Variants in FGD4 observed in about 807,000 individuals in gnomAD.
FGD4 encodes FYVE, RhoGEF and PH domain containing 4, also known as FYVE, RhoGEF and PH domain-containing protein 4.
A neutral mutation model predicts 102.0 loss-of-function variants in FGD4; 42 were observed. That is an observed-to-expected ratio of 0.41 (90% CI 0.32 to 0.53). The LOEUF (loss-of-function observed/expected upper bound fraction) is 0.53. FGD4 is among the 20% of genes least tolerant of loss of function. FGD4 has a pLI of 0.21. For synonymous variants in FGD4, 380 were observed against 375.7 expected (o/e 1.01, Z -0.13); for missense variants, 902 against 1,078.2 (o/e 0.84, Z 2.29).
intron 1 of FGD4, among the ~76,000 whole-genome samples, chr12:32,427,341 GTA>G (rs1941875708): frequency 6.6e-6 from 1 of 152,202 alleles, no homozygotes; most frequent in African/African-American, 2.4e-5. Flanking sequence ...TCATTCAGGA[GTA>G]GGTTGTTCGG....
chr12:32,409,025 G>T (rs1221941139), intron 1 of FGD4, among the ~76,000 whole-genome samples: 1 of 152,020 alleles, frequency 6.6e-6, no homozygotes, highest in African/African-American at 2.4e-5. Flanking sequence ...TGCTCCAAGG[G>T]CACCAAATCA....
chr12:32,625,289 T>TTTTA (rs368679104), intron 13 of FGD4, among the ~76,000 whole-genome samples: 2 of 143,888 alleles, frequency 1.4e-5, no homozygotes, highest in African/African-American at 2.7e-5. Context: ...TTTTTTTTTT[T>TTTTA]AACAGAGTCT....
intron 1 of FGD4, among the ~76,000 whole-genome samples, chr12:32,491,652 C>G (rs747489953): frequency 7.9e-5 from 12 of 152,178 alleles, no homozygotes; most frequent in Non-Finnish European, 1.5e-5. Flanking sequence ...AAGAATGCCT[C>G]AGGGTTTCCT....
chr12:32,610,639 C>A (rs892670086), intron 8 of FGD4, 137 bp from the exon 9 acceptor site: 2 of 727,262 alleles, frequency 2.8e-6, no homozygotes, highest in African/African-American at 1.8e-5. Context: ...AAAGTATATA[C>A]CGTTTATAAA....
At chr12:32,497,344 A>G (rs1937884322) in intron 1 of FGD4, among the ~76,000 whole-genome samples, 1 of 152,178 alleles carries the variant, frequency 6.6e-6, no homozygotes, top group South Asian at 2.1e-4. Flanking sequence ...TTTTTGCTCT[A>G]AATCACTTTC....
chr12:32,481,425 T>C (rs892741626), intron 1 of FGD4, among the ~76,000 whole-genome samples: 9 of 152,210 alleles, frequency 5.9e-5, no homozygotes, highest in Non-Finnish European at 1.2e-4. Context: ...CTCTCTGTCA[T>C]ATTTTTGCAA....
At position 32,507,189 on chromosome 12, in the gene FGD4, T is replaced by C. The variant is rs1170213158; in HGVS notation, c.167-56948T>C. On this transcript the variant is annotated intron_variant, in intron 1 of 16. Transcript: ENST00000534526. ...GTGAGAACATGCGGTGTTTGGTTTT[T>C]TGTCCTTGCGATAGTTTACTGAGAA... 4.0e-5 allele frequency among the ~76,000 whole-genome samples: 6 copies of C among 151,664 alleles called. No homozygotes were observed. In the East Asian group the frequency reaches 1.2e-3, roughly 30 times the overall value.
chr12:32,448,606 G>T (rs1259426371), intron 1 of FGD4, among the ~76,000 whole-genome samples: 6 of 151,006 alleles, frequency 4.0e-5, no homozygotes, highest in Non-Finnish European at 8.8e-5. Context: ...GCAGTGAGCT[G>T]AGATCGCGCC....
chr12:32,586,982 G>T (rs1316671055), intron 4 of FGD4, among the ~76,000 whole-genome samples: 2 of 152,064 alleles, frequency 1.3e-5, no homozygotes, highest in Non-Finnish European at 2.9e-5. Context: ...CCTGAGGTCA[G>T]GAGTTCGAGA....
At chr12:32,514,336 G>T (rs1006685690) in intron 1 of FGD4, among the ~76,000 whole-genome samples, 3 of 152,170 alleles carry the variant, frequency 2.0e-5, no homozygotes, top group African/African-American at 7.2e-5. Context: ...AAGTATTTCA[G>T]TGTTAATTGG....
chr12:32,530,467 A>T (rs1284693926), intron 1 of FGD4, among the ~76,000 whole-genome samples: 1 of 152,196 alleles, frequency 6.6e-6, no homozygotes, highest in Non-Finnish European at 1.5e-5. Context: ...TGGGTGACAG[A>T]GACTCCATCT....
chr12:32,600,349 A>G (rs929391570), intron 5 of FGD4: 22 of 707,078 alleles, frequency 3.1e-5, no homozygotes, highest in Non-Finnish European at 4.5e-5. Context: ...CCTAATTACT[A>G]TAGTAACCTA....
chr12:32,540,261 G>A (rs1192130281), intron 1 of FGD4, among the ~76,000 whole-genome samples: 2 of 152,130 alleles, frequency 1.3e-5, no homozygotes, highest in Admixed American at 1.3e-4. Context: ...CATAGGAGAG[G>A]TACAAAATAT....
intron 1 of FGD4, among the ~76,000 whole-genome samples, chr12:32,429,750 C>G (rs779796591): frequency 1.3e-5 from 2 of 152,176 alleles, no homozygotes; most frequent in African/African-American, 4.8e-5. Context: ...GGCAGTCTGG[C>G]TGCTGGGAGT....
intron 1 of FGD4, among the ~76,000 whole-genome samples, chr12:32,554,048 C>T (rs1943905651): frequency 6.6e-6 from 1 of 152,072 alleles, no homozygotes; most frequent in Admixed American, 6.6e-5. Flanking sequence ...GTGAGTGCAC[C>T]TCAGTCTAGG....
intron 1 of FGD4, among the ~76,000 whole-genome samples, chr12:32,562,847 C>T (rs1159439990): frequency 6.6e-6 from 1 of 152,248 alleles, no homozygotes; most frequent in Non-Finnish European, 1.5e-5. Context: ...TCCGACTTCT[C>T]AATCTTTTCC....
At chr12:32,412,345 C>G (rs1410291456) in intron 1 of FGD4, among the ~76,000 whole-genome samples, 2 of 152,136 alleles carry the variant, frequency 1.3e-5, no homozygotes, top group Non-Finnish European at 2.9e-5. Context: ...TTGGGTCTAT[C>G]TGGTGTTTAT....
At chr12:32,408,705 G>A (rs951111562) in intron 1 of FGD4, among the ~76,000 whole-genome samples, 2 of 152,172 alleles carry the variant, frequency 1.3e-5, no homozygotes, top group Non-Finnish European at 2.9e-5. Flanking sequence ...GGACTGGCTT[G>A]TGTTTACAAC....
At chr12:32,553,079 C>A (rs960063264) in intron 1 of FGD4, among the ~76,000 whole-genome samples, 1 of 151,806 alleles carries the variant, frequency 6.6e-6, no homozygotes, top group Non-Finnish European at 1.5e-5. Context: ...CAAGCATGAG[C>A]CACTGCACCT....
Sources: allele counts gnomAD v4.1 joint callset (sites outside exome capture counted in the v4.1 genomes callset), GRCh38; gene constraint gnomAD v4.1.1; transcripts MANE v1.5; gene names NCBI Gene and HGNC (gene_info 2026-07-23, HGNC 2026-07-21).